The following SNX13 variants were observed in gnomAD, a reference collection of about 807,000 sequenced individuals.
SNX13 encodes sorting nexin 13.
In SNX13, 45 loss-of-function variants were observed where a neutral mutation model predicts 133.6. The ratio of observed to expected loss-of-function variants is 0.34; its 90% CI spans 0.27 to 0.43. The LOEUF (loss-of-function observed/expected upper bound fraction) is 0.43. Among genes scored for constraint, SNX13 ranks in the 20% least tolerant of loss-of-function variants. The probability of loss-of-function intolerance (pLI) is 1.00; values close to 1 mark genes in which losing one functional copy is unlikely to be tolerated. For synonymous variants in SNX13, 414 were observed against 373.9 expected (o/e 1.11, Z -1.24); for missense variants, 1,032 against 1,145.1 (o/e 0.90, Z 1.43).
At chr7:17,806,524 T>C (rs370759756) in intron 20 of SNX13, among the ~76,000 whole-genome samples, 1 of 152,300 alleles carries the variant, frequency 6.6e-6, no homozygotes, top group East Asian at 1.9e-4. Flanking sequence ...AAAATTATTC[T>C]GACATTCTAA....
chr7:17,850,977 T>G lies in SNX13; in HGVS notation c.838-13A>C. On this transcript the variant is annotated splice_polypyrimidine_tract_variant and intron_variant, in intron 9 of 25. Coordinates refer to ENST00000428135, the MANE Select transcript of SNX13 (RefSeq NM_015132.5). ...TAGAATCACGGATCTGAAAACAAGT[T>G]TAAGAAAAACAGGTGGGAGAGGAAC... The G allele has an allele frequency of 6.3e-7, 1 of 1,592,354 alleles. No homozygotes were observed. The highest frequency in any genetic ancestry group is 8.5e-7 in the Non-Finnish European group (1 of 1,170,778).
chr7:17,867,796 A>T (rs1405690767), intron 9 of SNX13, among the ~76,000 whole-genome samples: 2 of 152,256 alleles, frequency 1.3e-5, no homozygotes, highest in East Asian at 3.9e-4. Flanking sequence ...TAGGTATCAA[A>T]GTATTCCCAG....
intron 1 of SNX13, among the ~76,000 whole-genome samples, chr7:17,902,036 G>A (rs1438252380): frequency 6.6e-6 from 1 of 152,108 alleles, no homozygotes; most frequent in African/African-American, 2.4e-5. Flanking sequence ...GAAGATTCAT[G>A]CACCAATTTG....
intron 11 of SNX13, among the ~76,000 whole-genome samples, chr7:17,848,227 G>A (rs556358586): frequency 5.8e-4 from 88 of 152,150 alleles, no homozygotes; most frequent in African/African-American, 2.0e-3. Flanking sequence ...GGAGACAGCC[G>A]GACTTCAGGG....
chr7:17,829,909 T>C (rs1042111454), intron 16 of SNX13, 101 bp downstream of exon 16: 6 of 788,396 alleles, frequency 7.6e-6, no homozygotes, highest in Non-Finnish European at 9.6e-6. Context: ...TAAAGGATGA[T>C]TTGGGGCCTT....
At chr7:17,859,027 C>A (rs1792287490) in intron 9 of SNX13, among the ~76,000 whole-genome samples, 1 of 152,032 alleles carries the variant, frequency 6.6e-6, no homozygotes, top group Non-Finnish European at 1.5e-5. Flanking sequence ...ACTTGGTAAT[C>A]TTCAAACAAA....
intron 12 of SNX13, among the ~76,000 whole-genome samples, chr7:17,840,730 T>C (rs2128316909): frequency 6.6e-6 from 1 of 152,176 alleles, no homozygotes; most frequent in East Asian, 1.9e-4. Context: ...TGGACTGAAT[T>C]TGGCATGCAA....
At chr7:17,876,212 T>G (rs1270690720) in intron 5 of SNX13, among the ~76,000 whole-genome samples, 1 of 152,262 alleles carries the variant, frequency 6.6e-6, no homozygotes, top group Non-Finnish European at 1.5e-5. Context: ...GAACTCTTTC[T>G]GAATTCTCCA....
At chr7:17,887,644 A>T (rs1035612976) in intron 5 of SNX13, among the ~76,000 whole-genome samples, 9 of 152,244 alleles carry the variant, frequency 5.9e-5, no homozygotes, top group African/African-American at 1.7e-4. Context: ...AAGAAGTAAT[A>T]GAGCTAAGCT....
intron 15 of SNX13, chr7:17,830,986 G>C: frequency 2.0e-6 from 2 of 984,258 alleles, no homozygotes; most frequent in Non-Finnish European, 2.4e-6. Flanking sequence ...ATAAAAAAAT[G>C]GGAATTTCAC....
intron 15 of SNX13, chr7:17,831,915 A>G (rs550724207): frequency 1.0e-6 from 1 of 984,446 alleles, no homozygotes. Context: ...CAAAGCTGAC[A>G]GTTACTTTAA....
chr7:17,835,889 G>A (rs2128313018), intron 13 of SNX13, among the ~76,000 whole-genome samples: 1 of 151,916 alleles, frequency 6.6e-6, no homozygotes, highest in African/African-American at 2.4e-5. Context: ...TATTTGTTTT[G>A]TGTTTCGGGG....
chr7:17,791,328 A>G lies in SNX13; in HGVS notation c.*2717T>C, dbSNP rs1008897256. 2.6e-5 allele frequency: 4 copies of G among 151,734 alleles called. No homozygotes were observed. Among genetic ancestry groups the G allele is most frequent in the African/African-American group, 4.8e-5 (2 of 41,384 alleles). 9.4% of individuals were successfully genotyped at this position (151,734 alleles called of 1,614,324 possible). On this transcript the variant is annotated 3_prime_UTR_variant, in exon 26 of 26. Transcript: ENST00000428135. ...AACTGATTGATTTTTCTTCCCAAAT[A>G]CCAGCAGCACAAACTTAAAATGAAC... is the stretch of plus-strand genomic sequence containing the variant.
intron 4 of SNX13, among the ~76,000 whole-genome samples, chr7:17,891,302 T>C (rs1309699686): frequency 6.6e-6 from 1 of 151,958 alleles, no homozygotes; most frequent in African/African-American, 2.4e-5. Context: ...AGAAACACTA[T>C]CAAATGTCAA....
intron 10 of SNX13, 83 bp downstream of exon 10, chr7:17,850,743 T>G: frequency 1.0e-4 from 112 of 1,116,478 alleles, no homozygotes; most frequent in Non-Finnish European, 1.2e-4. Context: ...TATCAGAAAA[T>G]GACATTTAGG....
intron 19 of SNX13, among the ~76,000 whole-genome samples, chr7:17,815,978 CT>C (rs370821944): frequency 1.3e-3 from 205 of 152,240 alleles, no homozygotes; most frequent in African/African-American, 4.5e-3. Flanking sequence ...GTCTAGAAAA[CT>C]TCTAAGTTAA....
At chr7:17,855,994 T>C (rs1004146408) in intron 9 of SNX13, among the ~76,000 whole-genome samples, 3 of 152,174 alleles carry the variant, frequency 2.0e-5, no homozygotes, top group Non-Finnish European at 4.4e-5. Context: ...TGAGGTCAAA[T>C]ATCAACATTC....
intron 5 of SNX13, among the ~76,000 whole-genome samples, chr7:17,877,581 G>A (rs1195853006): frequency 1.3e-5 from 2 of 151,988 alleles, no homozygotes; most frequent in African/African-American, 2.4e-5. Flanking sequence ...CATCTGTCCT[G>A]TTTCATGCTA....
chr7:17,837,135 TA>T (rs869127365), intron 13 of SNX13, among the ~76,000 whole-genome samples: 4 of 151,188 alleles, frequency 2.6e-5, no homozygotes, highest in Admixed American at 6.6e-5. Flanking sequence ...ATAAACTTTT[TA>T]AAAAAAAAAT....
Sources: gnomAD v4.1 joint callset for allele counts (sites outside exome capture counted in the v4.1 genomes callset) on GRCh38, gnomAD v4.1.1 for gene constraint, MANE v1.5 for transcripts, NCBI Gene and HGNC (gene_info 2026-07-23, HGNC 2026-07-21) for gene names.